NCKAP5: variants seen among roughly 807,000 people sequenced by gnomAD.
NCKAP5 encodes the protein nck-associated protein 5.
NCKAP5 carries 92 observed loss-of-function variants against 167.0 expected under a neutral mutation model. The observed-to-expected ratio is 0.55, with a 90% CI of 0.47 to 0.66. NCKAP5 has a LOEUF of 0.66. NCKAP5 is among the 30% of genes least tolerant of loss of function. The pLI, the probability that NCKAP5 is intolerant of heterozygous loss-of-function variation, is 0.00. For synonymous variants in NCKAP5, 891 were observed against 877.4 expected (o/e 1.02, Z -0.27); for missense variants, 2,378 against 2,315.0 (o/e 1.03, Z -0.56).
At chr2:132,771,839 ATTT>A (rs70973406) in intron 16 of NCKAP5, among the ~76,000 whole-genome samples, 9,795 of 100,448 alleles carry the variant, frequency 0.098, 209 homozygotes, top group Admixed American at 0.13. Context: ...CGCCCGGCTA[ATTT>A]TTTTTTTTTT....
intron 3 of NCKAP5, among the ~76,000 whole-genome samples, chr2:133,423,108 T>C (rs1009398454): frequency 1.3e-5 from 2 of 152,198 alleles, no homozygotes; most frequent in Non-Finnish European, 2.9e-5. Context: ...TCTCAGACAA[T>C]TTTCTAGTTC....
intron 9 of NCKAP5, among the ~76,000 whole-genome samples, chr2:132,876,666 A>C (rs146777692): frequency 2.1e-3 from 323 of 152,356 alleles, no homozygotes; most frequent in African/African-American, 7.5e-3. Context: ...TCATGAATAC[A>C]AAATATGTGT....
intron 3 of NCKAP5, among the ~76,000 whole-genome samples, chr2:133,477,331 G>C (rs1011792337): frequency 1.3e-5 from 2 of 152,182 alleles, no homozygotes; most frequent in Non-Finnish European, 2.9e-5. Context: ...TGCCATTGGA[G>C]AGCTGTATCC....
At chr2:132,790,242 T>C in intron 12 of NCKAP5, 37 bp from the exon 13 acceptor site, 1 of 1,569,136 alleles carries the variant, frequency 6.4e-7, no homozygotes, top group Non-Finnish European at 8.7e-7. Flanking sequence ...AGGGCTTTGC[T>C]CAGAGGAGAG....
chr2:132,781,314 A>C, intron 14 of NCKAP5, 85 bp from the exon 15 acceptor site: 1 of 1,323,966 alleles, frequency 7.6e-7, no homozygotes, highest in Non-Finnish European at 1.0e-6. Flanking sequence ...TAATATTTAA[A>C]GTAACCTCTT....
intron 4 of NCKAP5, among the ~76,000 whole-genome samples, chr2:133,300,221 C>T (rs1415308476): frequency 8.0e-6 from 1 of 125,044 alleles, no homozygotes; most frequent in Non-Finnish European, 1.6e-5. Context: ...TGGTACCATT[C>T]CTTCTGAAAC....
rs1388440531 is a variant in NCKAP5, at chr2:132,732,055, A to T, written c.5129-4T>A. 6.2e-7 allele frequency: 1 copy of T among 1,604,880 alleles called. No homozygotes were observed. The highest frequency in any genetic ancestry group is 8.5e-7 in the Non-Finnish European group (1 of 1,174,018). On this transcript the variant is annotated splice_polypyrimidine_tract_variant and splice_region_variant and intron_variant, in intron 16 of 19. Coordinates refer to ENST00000409261, the MANE Select transcript of NCKAP5 (RefSeq NM_207363.3). ...GTTCTCATCTGGCAGTTGGATTCTG[A>T]GATAGAGAGACAGAGAGAGAAGGGA...
At chr2:133,215,811 T>C (rs1041235498) in intron 4 of NCKAP5, among the ~76,000 whole-genome samples, 1 of 152,070 alleles carries the variant, frequency 6.6e-6, no homozygotes, top group Non-Finnish European at 1.5e-5. Flanking sequence ...ATAAAATACA[T>C]GGATATCAAA....
chr2:133,197,619 C>A (rs2085495018), intron 5 of NCKAP5, among the ~76,000 whole-genome samples: 1 of 151,674 alleles, frequency 6.6e-6, no homozygotes, highest in Admixed American at 6.6e-5. Flanking sequence ...AAAACAAAAA[C>A]AGGGCTTTAA....
chr2:133,355,884 G>A (rs1684679589), intron 3 of NCKAP5, among the ~76,000 whole-genome samples: 2 of 151,786 alleles, frequency 1.3e-5, no homozygotes. Flanking sequence ...GTACCCTCAG[G>A]AAAACTATCA....
intron 6 of NCKAP5, among the ~76,000 whole-genome samples, chr2:133,060,456 T>G (rs2079959951): frequency 6.6e-6 from 1 of 152,184 alleles, no homozygotes; most frequent in African/African-American, 2.4e-5. Context: ...GAAAAAAGTA[T>G]TCAATGTCAA....
At chr2:133,590,411 C>T in the NCKAP5 span, among the ~76,000 whole-genome samples, 1 of 151,766 alleles carries the variant, frequency 6.6e-6, no homozygotes, top group East Asian at 1.9e-4. Context: ...CTGTAGTCAG[C>T]TACCTGGGAG....
At chr2:133,045,441 T>C (rs934949590) in intron 6 of NCKAP5, among the ~76,000 whole-genome samples, 5 of 152,232 alleles carry the variant, frequency 3.3e-5, no homozygotes, top group Admixed American at 3.3e-4. Context: ...ACTCTGAGAC[T>C]GAAAGGAGGA....
At chr2:133,191,262 G>A (rs1461689346) in intron 5 of NCKAP5, among the ~76,000 whole-genome samples, 1 of 152,142 alleles carries the variant, frequency 6.6e-6, no homozygotes, top group Non-Finnish European at 1.5e-5. Flanking sequence ...TCATTAAAAA[G>A]TCAGGAAACA....
At chr2:133,297,682 C>A (rs142651963) in intron 4 of NCKAP5, among the ~76,000 whole-genome samples, 131 of 152,258 alleles carry the variant, frequency 8.6e-4, no homozygotes, top group African/African-American at 3.0e-3. Context: ...CAAGAGTATG[C>A]CTTATTTCAA....
chr2:133,669,243 A>C, the NCKAP5 span, among the ~76,000 whole-genome samples: 1 of 152,178 alleles, frequency 6.6e-6, no homozygotes, highest in African/African-American at 2.4e-5. Context: ...AGATTCAGCT[A>C]ATCTTTCCCC....
chr2:133,168,588 C>A (rs538806025), intron 5 of NCKAP5, among the ~76,000 whole-genome samples: 1 of 152,182 alleles, frequency 6.6e-6, no homozygotes, highest in East Asian at 1.9e-4. Context: ...CCTCCTCTTT[C>A]GAGTCAGTAG....
chr2:133,119,798 T>A (rs564346250), intron 6 of NCKAP5, among the ~76,000 whole-genome samples: 4 of 151,994 alleles, frequency 2.6e-5, no homozygotes, highest in African/African-American at 9.6e-5. Flanking sequence ...CACATAGCCA[T>A]GTGATCATAA....
Position 133,030,590 on chromosome 2 carries a change from T to C in NCKAP5, c.342-36351A>G, listed in dbSNP as rs149229432. On this transcript the variant is annotated intron_variant, in intron 6 of 19. Transcript: ENST00000409261. ...CAAGGTAAGTACAAAGCATTCTGAC[T>C]GGTCATTTGGATGAAGCTAGGTTGA... Among the ~76,000 whole-genome samples, 342 of 152,290 alleles carry C rather than the reference T, an allele frequency of 2.2e-3. 1 individual carries two copies. Among genetic ancestry groups the C allele is most frequent in the Middle Eastern group, 0.01 (3 of 294 alleles).
Sources: allele counts gnomAD v4.1 joint callset (sites outside exome capture counted in the v4.1 genomes callset), GRCh38; gene constraint gnomAD v4.1.1; transcripts MANE v1.5; gene names NCBI Gene and HGNC (gene_info 2026-07-23, HGNC 2026-07-21).